MAP2K5: variants seen among roughly 807,000 people sequenced by gnomAD.
The protein encoded by MAP2K5 is dual specificity mitogen-activated protein kinase kinase 5.
Under a neutral mutation model 83.1 loss-of-function variants are expected in MAP2K5, and 49 were observed. The observed-to-expected ratio is 0.59, with a 90% CI of 0.47 to 0.75. MAP2K5 has a LOEUF of 0.75. Ranked by LOEUF, MAP2K5 falls within the 30% of genes least tolerant of loss-of-function variation. MAP2K5 has a pLI of 0.00. For missense variants in MAP2K5, 457 were observed against 557.5 expected, an observed-to-expected ratio of 0.82 and a Z score of 1.82; for synonymous variants, 202 against 191.8, an observed-to-expected ratio of 1.05 and a Z score of -0.44.
At position 67,781,630 on chromosome 15, in the gene MAP2K5, G is replaced by T. The variant is rs4261477; in HGVS notation, c.1242+8878G>T. 0.54 allele frequency among the ~76,000 whole-genome samples: 81,689 copies of T among 151,976 alleles called. 22,791 individuals carry two copies. Among genetic ancestry groups the T allele is most frequent in the East Asian group, 0.86 (4,440 of 5,172 alleles). On this transcript the variant is annotated intron_variant, in intron 21 of 21. Coordinates refer to ENST00000178640, the MANE Select transcript of MAP2K5 (RefSeq NM_145160.3). This position sits in a 1 kb window ranked among gnomAD's most constrained non-coding sequence, Gnocchi z 4.0. ...AGTATCGTGGTTTACCGTTTCTCTG[G>T]TCTCTTCATATAAATGGTCACTGAT...
At chr15:67,592,599 A>T (rs143552468) in intron 6 of MAP2K5, among the ~76,000 whole-genome samples, 2 of 152,266 alleles carry the variant, frequency 1.3e-5, no homozygotes, top group Non-Finnish European at 2.9e-5. Flanking sequence ...GACATTGTCC[A>T]CATGAAATTG....
intron 17 of MAP2K5, among the ~76,000 whole-genome samples, chr15:67,732,587 C>T (rs1001642244): frequency 4.6e-5 from 7 of 152,148 alleles, no homozygotes; most frequent in African/African-American, 1.7e-4. Context: ...CAAATAGTGC[C>T]CCTGGTATTG....
chr15:67,617,222 G>T (rs547763586), intron 8 of MAP2K5, among the ~76,000 whole-genome samples: 1 of 152,244 alleles, frequency 6.6e-6, no homozygotes, highest in Admixed American at 6.5e-5. Flanking sequence ...AATATTTATA[G>T]TAAGATTATA....
intron 16 of MAP2K5, among the ~76,000 whole-genome samples, chr15:67,703,868 TAA>T (rs1315773770): frequency 6.6e-6 from 1 of 152,116 alleles, no homozygotes; most frequent in African/African-American, 2.4e-5. Context: ...TTTAGATATA[TAA>T]GTTATATATG....
chr15:67,751,355 T>C (rs1452514842), intron 19 of MAP2K5, among the ~76,000 whole-genome samples: 2 of 152,160 alleles, frequency 1.3e-5, no homozygotes, highest in Non-Finnish European at 2.9e-5. Flanking sequence ...GCTGGCTAGC[T>C]CAGGTATAAG....
rs2089040529 is a variant in MAP2K5 at position 67,724,350 on chromosome 15, T to C, written c.1045-3566T>C. ...CTTCCCCATAAGGGTCCCATGTTTATTTTGACTTTTGACAGCCTCGTGGAG... is the reference window on the plus strand; with the variant it reads ...CTTCCCCATAAGGGTCCCATGTTTACTTTGACTTTTGACAGCCTCGTGGAG... On this transcript the variant is annotated intron_variant, in intron 16 of 21. Coordinates refer to ENST00000178640, the MANE Select transcript of MAP2K5 (RefSeq NM_145160.3). The surrounding 1 kb of genome is among the most constrained non-coding windows in gnomAD (Gnocchi z 4.4). Among the ~76,000 whole-genome samples, 1 of 152,188 alleles carries C rather than the reference T, an allele frequency of 6.6e-6. No homozygotes were observed. Among genetic ancestry groups the C allele is most frequent in the African/African-American group, 2.4e-5 (1 of 41,452 alleles).
chr15:67,805,698 A>G (rs2090790550), intron 21 of MAP2K5, among the ~76,000 whole-genome samples: 1 of 152,202 alleles, frequency 6.6e-6, no homozygotes, highest in Non-Finnish European at 1.5e-5. Flanking sequence ...TGTCCTCGCT[A>G]TGGCTCCCCG....
In MAP2K5 at chr15:67,781,620, C is replaced by T. The variant is rs1359510191; in HGVS notation, c.1242+8868C>T. Among the ~76,000 whole-genome samples, 1 of 152,100 alleles carries T rather than the reference C, an allele frequency of 6.6e-6. No individual in the cohort carries two copies. The highest frequency in any genetic ancestry group is 1.5e-5 in the Non-Finnish European group (1 of 67,962). On this transcript the variant is annotated intron_variant, in intron 21 of 21. Transcript: ENST00000178640. This position sits in a 1 kb window ranked among gnomAD's most constrained non-coding sequence, Gnocchi z 4.0. Reference sequence around the variant, plus strand: ...GTTTCTTTCCAGTATCGTGGTTTACCGTTTCTCTGGTCTCTTCATATAAAT... The same window carrying T: ...GTTTCTTTCCAGTATCGTGGTTTACTGTTTCTCTGGTCTCTTCATATAAAT...
chr15:67,735,690 C>T (rs183368219), intron 17 of MAP2K5, among the ~76,000 whole-genome samples: 1 of 152,360 alleles, frequency 6.6e-6, no homozygotes, highest in East Asian at 1.9e-4. Flanking sequence ...GAGTAGATAG[C>T]TGACGCTTGA....
At chr15:67,707,262 A>C (rs2088578976) in intron 16 of MAP2K5, among the ~76,000 whole-genome samples, 12 of 152,146 alleles carry the variant, frequency 7.9e-5, no homozygotes, top group Admixed American at 7.9e-4. Context: ...CATTACCTGA[A>C]GGGATTAGGA....
chr15:67,797,691 CT>C (rs1001890264), intron 21 of MAP2K5, among the ~76,000 whole-genome samples: 14 of 150,826 alleles, frequency 9.3e-5, no homozygotes, highest in Non-Finnish European at 1.5e-4. Flanking sequence ...TTCATTGGTT[CT>C]TTTTTTTTGA....
At chr15:67,751,203 T>C (rs1047113945) in intron 19 of MAP2K5, among the ~76,000 whole-genome samples, 3 of 151,530 alleles carry the variant, frequency 2.0e-5, no homozygotes, top group Non-Finnish European at 2.9e-5. Context: ...AAAAACTAAA[T>C]AGGAATAAGA....
rs1376016775 is a variant in MAP2K5 at position 67,736,596 on chromosome 15, T to C, written c.1074+8651T>C. ...CCACAAGAGCCTTCCTTTACAGACTTTCTTTTTTGAGTTATAATTTATCAT... is the reference window on the plus strand; with the variant it reads ...CCACAAGAGCCTTCCTTTACAGACTCTCTTTTTTGAGTTATAATTTATCAT... On this transcript the variant is annotated intron_variant, in intron 17 of 21. Transcript: ENST00000178640. The surrounding 1 kb of genome is among the most constrained non-coding windows in gnomAD (Gnocchi z 4.3). Among the ~76,000 whole-genome samples the C allele has an allele frequency of 1.3e-5, 2 of 152,204 alleles. No homozygotes were observed. Among genetic ancestry groups the C allele is most frequent in the Non-Finnish European group, 2.9e-5 (2 of 68,034 alleles).
At chr15:67,683,284 A>C (rs1252231357) in intron 13 of MAP2K5, among the ~76,000 whole-genome samples, 1 of 152,166 alleles carries the variant, frequency 6.6e-6, no homozygotes, top group African/African-American at 2.4e-5. Context: ...AAATTAGGGG[A>C]GCTGTCCTTA....
chr15:67,674,718 G>A lies in MAP2K5; in HGVS notation c.847+10073G>A, dbSNP rs185931646. On this transcript the variant is annotated intron_variant, in intron 13 of 21. Transcript: ENST00000178640. ...TAAAAGTATTCTTTTAAAAGAATAT[G>A]TGCCTAGAATATATAAAGAACTCTC... 1.5e-4 allele frequency among the ~76,000 whole-genome samples: 23 copies of A among 152,214 alleles called. No individual in the cohort carries two copies. In the East Asian group the frequency reaches 2.7e-3, roughly 18 times the overall value.
At chr15:67,784,547 A>G (rs1277342696) in intron 21 of MAP2K5, among the ~76,000 whole-genome samples, 1 of 152,214 alleles carries the variant, frequency 6.6e-6, no homozygotes, top group Non-Finnish European at 1.5e-5. Flanking sequence ...AGATGGCTGC[A>G]CACACTCTCC....
intron 21 of MAP2K5, among the ~76,000 whole-genome samples, chr15:67,789,448 CGGCTTAACGCCT>C (rs1031265077): frequency 6.6e-6 from 1 of 152,112 alleles, no homozygotes; most frequent in African/African-American, 2.4e-5. Context: ...CCAGGCGTGG[CGGCTTAACGCCT>C]GTAATCCCAG....
At chr15:67,759,062 G>A (rs898810945) in intron 19 of MAP2K5, among the ~76,000 whole-genome samples, 4 of 152,130 alleles carry the variant, frequency 2.6e-5, no homozygotes, top group Admixed American at 6.5e-5. Context: ...ATGGAGGAGC[G>A]CGAATCCTTT....
intron 17 of MAP2K5, among the ~76,000 whole-genome samples, chr15:67,729,003 C>T (rs540963747): frequency 5.3e-5 from 8 of 152,132 alleles, no homozygotes; most frequent in Non-Finnish European, 8.8e-5. Flanking sequence ...GAAGAGAAAT[C>T]GTCCAAGTTG....
Sources: gnomAD v4.1 joint callset for allele counts (sites outside exome capture counted in the v4.1 genomes callset) on GRCh38, gnomAD v4.1.1 for gene constraint, Gnocchi (gnomAD v3.1) non-coding constraint, MANE v1.5 for transcripts, NCBI Gene and HGNC (gene_info 2026-07-23, HGNC 2026-07-21) for gene names.